The following ARFGEF1 variants were observed in gnomAD, a reference collection of about 807,000 sequenced individuals.
ARFGEF1 encodes the protein brefeldin A-inhibited guanine nucleotide-exchange protein 1.
Under a neutral mutation model 231.0 loss-of-function variants are expected in ARFGEF1, and 42 were observed. That is an observed-to-expected ratio of 0.18 (90% CI 0.14 to 0.24). ARFGEF1 has a LOEUF of 0.24. ARFGEF1 is among the 10% of genes least tolerant of loss of function. The pLI is 1.00. For missense variants in ARFGEF1, 1,345 were observed against 2,192.0 expected (o/e 0.61, Z 7.72); for synonymous variants, 710 against 732.3 (o/e 0.97, Z 0.49).
intron 34 of ARFGEF1, among the ~76,000 whole-genome samples, chr8:67,206,679 T>C (rs1838533972): frequency 6.6e-6 from 1 of 152,122 alleles, no homozygotes; most frequent in African/African-American, 2.4e-5. Flanking sequence ...AGGACTCAAC[T>C]CCTGAGATGC....
chr8:67,256,892 T>C (rs575061227), intron 17 of ARFGEF1, among the ~76,000 whole-genome samples: 1 of 152,284 alleles, frequency 6.6e-6, no homozygotes, highest in South Asian at 2.1e-4. Context: ...AGAGTACTTC[T>C]CTTTTAGAGA....
chr8:67,184,134 T>G (rs1331047872), intron 5 of ARFGEF1, among the ~76,000 whole-genome samples: 1 of 152,198 alleles, frequency 6.6e-6, no homozygotes, highest in African/African-American at 2.4e-5. Context: ...ATTATAGGCG[T>G]GAGCCACTGC....
chr8:67,226,695 C>T (rs915558326), intron 27 of ARFGEF1, among the ~76,000 whole-genome samples: 1 of 152,020 alleles, frequency 6.6e-6, no homozygotes, highest in South Asian at 2.1e-4. Context: ...GTATTTCAGT[C>T]AGTCCCCCTT....
downstream of ARFGEF1, chr8:67,174,592 C>T (rs955008230): frequency 6.6e-6 from 1 of 152,074 alleles, no homozygotes; most frequent in African/African-American, 2.4e-5. Context: ...GAAACCTCGT[C>T]TCTACTAAAA....
intron 5 of ARFGEF1, among the ~76,000 whole-genome samples, chr8:67,191,756 C>T (rs1389115389): frequency 1.3e-5 from 2 of 152,112 alleles, no homozygotes; most frequent in African/African-American, 2.4e-5. Context: ...TTATTACTCT[C>T]GAATATATAT....
rs1215923800 is a variant in ARFGEF1, at chr8:67,269,745, TAAG to T, written c.1572+1954_1572+1956del. On this transcript the variant is annotated intron_variant, in intron 10 of 38. Coordinates refer to ENST00000262215, the MANE Select transcript of ARFGEF1 (RefSeq NM_006421.5). ...CTCATTATCGCCCCCTGAGGGACAA[TAAG>T]GAGTGAAATAAACCTAATTTTTAAA... Among the ~76,000 whole-genome samples the T allele has an allele frequency of 3.9e-5, 6 of 152,198 alleles. No individual in the cohort carries two copies. The South Asian group carries it at 1.0e-3, about 26-fold the overall frequency.
chr8:67,189,569 C>G (rs1563795339), intron 5 of ARFGEF1, among the ~76,000 whole-genome samples: 1 of 152,148 alleles, frequency 6.6e-6, no homozygotes, highest in Non-Finnish European at 1.5e-5. Context: ...TTTGGAAAAT[C>G]TGAATATCAA....
At chr8:67,202,973 T>C (rs1029342883) in intron 36 of ARFGEF1, 110 bp downstream of exon 36, 8 of 1,129,698 alleles carry the variant, frequency 7.1e-6, no homozygotes, top group East Asian at 5.0e-5. Flanking sequence ...AGAGTACATA[T>C]AGTGACATGC....
At chr8:67,309,584 C>A (rs1184716632) in intron 1 of ARFGEF1, among the ~76,000 whole-genome samples, 1 of 152,204 alleles carries the variant, frequency 6.6e-6, no homozygotes, top group Admixed American at 6.5e-5. Flanking sequence ...CTAAAGCCAT[C>A]TGTTTTGAGT....
At chr8:67,310,866 G>T (rs913864128) in intron 1 of ARFGEF1, among the ~76,000 whole-genome samples, 9 of 150,468 alleles carry the variant, frequency 6.0e-5, no homozygotes, top group African/African-American at 2.2e-4. Flanking sequence ...CCTGGCAGCT[G>T]CCCCGTCTGA....
intron 19 of ARFGEF1, among the ~76,000 whole-genome samples, chr8:67,243,071 C>T (rs553121919): frequency 6.6e-6 from 1 of 152,294 alleles, no homozygotes; most frequent in South Asian, 2.1e-4. Context: ...ATCTCTGGAC[C>T]TGCCTGGAAC....
chr8:67,315,225 T>TC (rs1282679828), intron 1 of ARFGEF1, among the ~76,000 whole-genome samples: 7 of 152,124 alleles, frequency 4.6e-5, no homozygotes, highest in African/African-American at 1.7e-4. Context: ...TAATCCTAAA[T>TC]GTGTATATAA....
intron 1 of ARFGEF1, among the ~76,000 whole-genome samples, chr8:67,331,366 C>T (rs573232693): frequency 6.7e-4 from 102 of 152,172 alleles, no homozygotes; most frequent in African/African-American, 2.3e-3. Context: ...CTAGGTCATA[C>T]GGGTGGAGCG....
At chr8:67,323,746 C>T (rs1807699724) in intron 1 of ARFGEF1, among the ~76,000 whole-genome samples, 1 of 152,060 alleles carries the variant, frequency 6.6e-6, no homozygotes, top group Non-Finnish European at 1.5e-5. Context: ...CAAACCTGTG[C>T]TAAGGCAACA....
chr8:67,218,217 T>TATATATATATATATATATATAC (rs1246932489), intron 30 of ARFGEF1, 79 bp from the exon 31 acceptor site: 1 of 215,214 alleles, frequency 4.6e-6, no homozygotes, highest in African/African-American at 3.0e-5. Flanking sequence ...AATATATATA[T>TATATATATATATATATATATAC]ATATATATAT....
chr8:67,202,518 C>T (rs746232142), intron 36 of ARFGEF1, among the ~76,000 whole-genome samples: 7 of 152,158 alleles, frequency 4.6e-5, no homozygotes, highest in East Asian at 1.9e-4. Context: ...CTCAGCCACC[C>T]GAGTAGCCGG....
intron 38 of ARFGEF1, chr8:67,200,147 G>A (rs1838274590): frequency 2.0e-6 from 1 of 499,342 alleles, no homozygotes; most frequent in African/African-American, 1.9e-5. Context: ...TATCCCAAGG[G>A]ATTCTGATCC....
At chr8:67,316,231 A>G (rs1807309262) in intron 1 of ARFGEF1, among the ~76,000 whole-genome samples, 1 of 152,216 alleles carries the variant, frequency 6.6e-6, no homozygotes, top group African/African-American at 2.4e-5. Context: ...AATATGAAAT[A>G]GATCATTTGA....
At position 67,288,035 on chromosome 8, in the gene ARFGEF1, C is replaced by T; in HGVS notation, c.947G>A (p.Gly316Glu). Residue 316 changes from glycine (G) to glutamate (E), a missense_variant, in exon 7 of 39, where the codon GGA becomes GAA. This residue lies in a region of ARFGEF1 where 398 missense variants were observed against 463.2 expected (regional missense o/e 0.86). Coordinates refer to ENST00000262215, the MANE Select transcript of ARFGEF1 (RefSeq NM_006421.5). Reference protein sequence around the residue: ...TLSKNEVLYDGENHDCEEKPQ... With the variant: ...TLSKNEVLYDEENHDCEEKPQ... Reference sequence around the variant, plus strand: ...CTTTTCCTCACAATCATGGTTTTCTCCGTCATATAACACTTCATTTTTAGA... The same window carrying T: ...CTTTTCCTCACAATCATGGTTTTCTTCGTCATATAACACTTCATTTTTAGA... The T allele has an allele frequency of 6.2e-7, 1 of 1,606,738 alleles. No homozygotes were observed. The highest frequency in any genetic ancestry group is 1.7e-4 in the Middle Eastern group (1 of 6,036).
Sources: gnomAD v4.1 joint callset for allele counts (sites outside exome capture counted in the v4.1 genomes callset) on GRCh38, gnomAD v4.1.1 for gene constraint, gnomAD v4.1.1 regional missense constraint, MANE v1.5 for transcripts, NCBI Gene and HGNC (gene_info 2026-07-23, HGNC 2026-07-21) for gene names.